The following TAF2 variants were observed in gnomAD, a reference collection of about 807,000 sequenced individuals.
The protein encoded by TAF2 is transcription initiation factor TFIID subunit 2.
TAF2 carries 61 observed loss-of-function variants against 138.5 expected under a neutral mutation model. The ratio of observed to expected loss-of-function variants is 0.44; its 90% CI spans 0.36 to 0.54. The LOEUF (loss-of-function observed/expected upper bound fraction) is 0.54, where lower values mean the gene tolerates loss of function less well. TAF2 is among the 20% of genes least tolerant of loss of function. The pLI is 0.00. For synonymous variants in TAF2, 475 were observed against 469.9 expected (o/e 1.01, Z -0.14); for missense variants, 1,090 against 1,427.9 (o/e 0.76, Z 3.81).
At chr8:119,740,668 A>AC (rs1819544451) in intron 25 of TAF2, among the ~76,000 whole-genome samples, 1 of 97,216 alleles carries the variant, frequency 1.0e-5, no homozygotes, top group Non-Finnish European at 2.1e-5. Context: ...GTCTCAAAAA[A>AC]AAAAAAAAAA....
rs1820820589 is a variant in TAF2, at chr8:119,758,088, G to A, written c.2753C>T (p.Pro918Leu). ...ATAAACTAACCTTACATAGGGTACA[G>A]GGTCATTCTGAATCATATTAAGTAG... is the stretch of plus-strand genomic sequence containing the variant. ...QWLLNMIQND[P>L]VPYVRHKILN... The change falls in exon 21 of 26, where the codon CCT (proline) becomes CTT (leucine). Residue 918 changes from proline (P) to leucine (L), a missense_variant. Physicochemically the swap from Pro to Leu is moderately conservative, Grantham distance 98. Around this residue, in one of 3 missense-constraint regions of TAF2, gnomAD observed 580 missense variants for 719.6 expected, o/e 0.81. Coordinates refer to ENST00000378164, the MANE Select transcript of TAF2 (RefSeq NM_003184.4). 1 of 1,613,208 alleles carries A rather than the reference G, an allele frequency of 6.2e-7. No individual in the cohort carries two copies. Among genetic ancestry groups the A allele is most frequent in the Non-Finnish European group, 8.5e-7 (1 of 1,179,606 alleles).
At chr8:119,778,231 T>G in intron 17 of TAF2, 102 bp from the exon 18 acceptor site, 2 of 703,910 alleles carry the variant, frequency 2.8e-6, no homozygotes, top group Non-Finnish European at 4.9e-6. Context: ...TGGGCTGACA[T>G]AGATATCTGG....
chr8:119,771,500 T>C (rs1026737913), intron 18 of TAF2, among the ~76,000 whole-genome samples: 6 of 151,850 alleles, frequency 4.0e-5, no homozygotes, highest in Admixed American at 2.6e-4. Flanking sequence ...CCTCCGAAAG[T>C]GCTGGGATTA....
chr8:119,781,676 C>T (rs564871644), intron 16 of TAF2, among the ~76,000 whole-genome samples: 134 of 150,342 alleles, frequency 8.9e-4, no homozygotes, highest in Middle Eastern at 6.8e-3. Flanking sequence ...CAGACTCTCT[C>T]CAAAAAAAAA....
chr8:119,825,298 T>C (rs947350599), intron 2 of TAF2, among the ~76,000 whole-genome samples: 1 of 152,266 alleles, frequency 6.6e-6, no homozygotes, highest in Non-Finnish European at 1.5e-5. Flanking sequence ...TTTCTGCCAT[T>C]TGGAATGGCT....
At chr8:119,737,856 A>G (rs910375588) in intron 25 of TAF2, among the ~76,000 whole-genome samples, 2 of 148,960 alleles carry the variant, frequency 1.3e-5, no homozygotes, top group Non-Finnish European at 3.0e-5. Context: ...CAATACCATG[A>G]AAGTGTTACA....
At chr8:119,828,810 T>G (rs1048637838) in intron 2 of TAF2, among the ~76,000 whole-genome samples, 1 of 152,172 alleles carries the variant, frequency 6.6e-6, no homozygotes, top group Non-Finnish European at 1.5e-5. Context: ...ACTAACAGAA[T>G]AGCTCAGGGA....
At chr8:119,771,635 A>G (rs1286532955) in intron 18 of TAF2, among the ~76,000 whole-genome samples, 1 of 152,236 alleles carries the variant, frequency 6.6e-6, no homozygotes, top group Non-Finnish European at 1.5e-5. Context: ...GACGAAGTTT[A>G]AAACAAAACC....
intron 17 of TAF2, among the ~76,000 whole-genome samples, chr8:119,779,249 G>GACACACACACACACAC (rs10636618): frequency 6.1e-5 from 9 of 147,376 alleles, no homozygotes; most frequent in South Asian, 4.4e-4. Flanking sequence ...CACAACCTAA[G>GACACACACACACACAC]ACACACACAC....
chr8:119,791,194 A>C (rs1823403518), intron 11 of TAF2, 130 bp downstream of exon 11: 2 of 1,015,424 alleles, frequency 2.0e-6, no homozygotes, highest in African/African-American at 1.6e-5. Flanking sequence ...AATATAAAGC[A>C]CAGGTTACTT....
intron 17 of TAF2, 97 bp from the exon 18 acceptor site, chr8:119,778,226 T>C: frequency 1.4e-6 from 1 of 728,852 alleles, no homozygotes; most frequent in South Asian, 1.6e-5. Context: ...ACTCTTGGGC[T>C]GACATAGATA....
chr8:119,762,867 G>A, intron 18 of TAF2: 1 of 310,616 alleles, frequency 3.2e-6, no homozygotes, highest in South Asian at 4.4e-5. Flanking sequence ...GAAACTGGAG[G>A]GTTAATGTAG....
Position 119,742,527 on chromosome 8 carries a change from T to A in TAF2, c.3337+7A>T. 6.2e-7 allele frequency: 1 copy of A among 1,613,740 alleles called. No individual in the cohort carries two copies. The highest frequency in any genetic ancestry group is 1.7e-5 in the Admixed American group (1 of 59,994). On this transcript the variant is annotated splice_region_variant and intron_variant, in intron 25 of 25. Transcript: ENST00000378164. ...AAATAATATTAATTCTGATTAATTA[T>A]TTTTACCTGTTCCCTTCCGTGCAAG...
In TAF2 at chr8:119,781,049, G is replaced by A. The variant is rs1325519559; in HGVS notation, c.2253+4C>T. On this transcript the variant is annotated splice_donor_region_variant and intron_variant, in intron 17 of 25. Coordinates refer to ENST00000378164, the MANE Select transcript of TAF2 (RefSeq NM_003184.4). ...CCATGAGAAAATTAGAAAGTAAACTGTACCTTCTGTAGAAAATAGCTTTGA... is the reference window on the plus strand; with the variant it reads ...CCATGAGAAAATTAGAAAGTAAACTATACCTTCTGTAGAAAATAGCTTTGA... The A allele has an allele frequency of 6.2e-7, 1 of 1,610,010 alleles. No homozygotes were observed. Among genetic ancestry groups the A allele is most frequent in the Non-Finnish European group, 8.5e-7 (1 of 1,178,310 alleles).
chr8:119,798,240 C>T (rs1205370787), intron 6 of TAF2, among the ~76,000 whole-genome samples: 4 of 152,046 alleles, frequency 2.6e-5, no homozygotes, highest in African/African-American at 9.7e-5. Flanking sequence ...ATCTTATCAA[C>T]AGTTAATGTT....
intron 20 of TAF2, among the ~76,000 whole-genome samples, chr8:119,759,884 A>G (rs1820943649): frequency 6.6e-6 from 1 of 152,282 alleles, no homozygotes; most frequent in African/African-American, 2.4e-5. Flanking sequence ...TTTTGAATCT[A>G]CATATTCTAA....
At chr8:119,744,583 A>C (rs1819825010) in intron 23 of TAF2, 190 bp from the exon 24 acceptor site, 1 of 606,040 alleles carries the variant, frequency 1.7e-6, no homozygotes, top group Non-Finnish European at 2.9e-6. Context: ...CCTCTAAAAG[A>C]AGCCAATTAG....
At chr8:119,808,614 C>T (rs192465134) in intron 3 of TAF2, among the ~76,000 whole-genome samples, 112 of 152,274 alleles carry the variant, frequency 7.4e-4, no homozygotes, top group Non-Finnish European at 1.3e-3. Flanking sequence ...TGGCAACTAT[C>T]GCCTTATGAA....
intron 18 of TAF2, 124 bp downstream of exon 18, chr8:119,777,895 C>T (rs1011115899): frequency 1.9e-5 from 11 of 594,072 alleles, no homozygotes; most frequent in African/African-American, 7.5e-5. Flanking sequence ...TCATCAAGTA[C>T]GATGATTTTT....
Sources: allele counts gnomAD v4.1 joint callset (sites outside exome capture counted in the v4.1 genomes callset), GRCh38; gene constraint gnomAD v4.1.1; regional missense constraint gnomAD v4.1.1; transcripts MANE v1.5; gene names NCBI Gene and HGNC (gene_info 2026-07-23, HGNC 2026-07-21).